ADAM32: variants seen among roughly 807,000 people sequenced by gnomAD.
ADAM32 encodes the protein ADAM metallopeptidase domain 32.
In ADAM32, 89 loss-of-function variants were observed where a neutral mutation model predicts 114.9. The ratio of observed to expected loss-of-function variants is 0.77; its 90% CI spans 0.65 to 0.92. The LOEUF is 0.92. ADAM32 is among the 40% of genes least tolerant of loss of function. ADAM32 has a pLI of 0.00. For synonymous variants in ADAM32, 285 were observed against 307.5 expected (o/e 0.93, Z 0.77); for missense variants, 870 against 932.8 (o/e 0.93, Z 0.88).
chr8:39,153,334 A>G (rs2129445653), intron 6 of ADAM32, among the ~76,000 whole-genome samples: 1 of 152,308 alleles, frequency 6.6e-6, no homozygotes, highest in Non-Finnish European at 1.5e-5. Flanking sequence ...GTAGCGAACA[A>G]TGTCAGTGCC....
Position 39,201,150 on chromosome 8 carries a change from T to A in ADAM32, c.1053-9994T>A, listed in dbSNP as rs560084219. On this transcript the variant is annotated intron_variant, in intron 11 of 24. Transcript: ENST00000379907. ...ATGAACTTTAAAGTAGTTTTTTCCATTTCTGTGAAGAAAGTCATTGGTAGC... is the reference window on the plus strand; with the variant it reads ...ATGAACTTTAAAGTAGTTTTTTCCAATTCTGTGAAGAAAGTCATTGGTAGC... 1.8e-4 allele frequency among the ~76,000 whole-genome samples: 28 copies of A among 152,254 alleles called. No homozygotes were observed. The South Asian group carries it at 3.5e-3, about 19-fold the overall frequency.
intron 23 of ADAM32, among the ~76,000 whole-genome samples, 161 bp from the exon 24 acceptor site, chr8:39,283,425 A>AG (rs1453862141): frequency 6.6e-6 from 1 of 151,638 alleles, no homozygotes; most frequent in East Asian, 1.9e-4. Flanking sequence ...AAAAAAAAAA[A>AG]AAAAAAAAAA....
At chr8:39,187,311 G>A (rs979593440) in intron 11 of ADAM32, among the ~76,000 whole-genome samples, 17 of 152,070 alleles carry the variant, frequency 1.1e-4, no homozygotes, top group African/African-American at 3.6e-4. Flanking sequence ...TCGCTCTTTC[G>A]CCCAGGCCAG....
rs1461199506 is a variant in ADAM32 at position 39,254,522 on chromosome 8, T to C, written c.2005+6T>C. 1 of 1,547,812 alleles carries C rather than the reference T, an allele frequency of 6.5e-7. No homozygotes were observed. The highest frequency in any genetic ancestry group is 1.9e-5 in the Admixed American group (1 of 51,860). On this transcript the variant is annotated splice_donor_region_variant and intron_variant, in intron 18 of 24. Coordinates refer to ENST00000379907, the MANE Select transcript of ADAM32 (RefSeq NM_145004.7). ...ATTTCCTGAGGAAGATATGGGCAAG[T>C]ATTTGTCTCTTTAAATACCCATTTA...
intron 3 of ADAM32, among the ~76,000 whole-genome samples, chr8:39,146,366 G>T (rs1803503849): frequency 6.6e-6 from 1 of 151,368 alleles, no homozygotes. Context: ...AAGAATGTAA[G>T]AACAGAAAAC....
intron 11 of ADAM32, among the ~76,000 whole-genome samples, chr8:39,196,973 G>A (rs1585513847): frequency 6.6e-6 from 1 of 152,012 alleles, no homozygotes; most frequent in Admixed American, 6.6e-5. Flanking sequence ...TGTGGTTATG[G>A]GCTTTCTTTG....
intron 6 of ADAM32, among the ~76,000 whole-genome samples, chr8:39,158,999 G>T (rs1804329796): frequency 6.6e-6 from 1 of 151,872 alleles, no homozygotes; most frequent in African/African-American, 2.4e-5. Flanking sequence ...TACATTATTT[G>T]TCTAGTAAGT....
chr8:39,219,020 G>A (rs1808770970), intron 12 of ADAM32, among the ~76,000 whole-genome samples: 2 of 152,050 alleles, frequency 1.3e-5, no homozygotes, highest in Admixed American at 1.3e-4. Context: ...CAAGGCAGCA[G>A]GTTCCCTTCT....
intron 17 of ADAM32, among the ~76,000 whole-genome samples, chr8:39,252,245 CA>C (rs763821592): frequency 4.0e-5 from 6 of 151,310 alleles, no homozygotes; most frequent in Non-Finnish European, 8.9e-5. Flanking sequence ...GACATCACTC[CA>C]AGTGTATTTT....
chr8:39,154,986 T>A (rs1804058155), intron 6 of ADAM32, among the ~76,000 whole-genome samples: 1 of 152,168 alleles, frequency 6.6e-6, no homozygotes, highest in South Asian at 2.1e-4. Context: ...ATTCTGATTA[T>A]CTCAATAGAT....
intron 10 of ADAM32, among the ~76,000 whole-genome samples, chr8:39,177,635 T>C (rs1405078237): frequency 3.3e-5 from 5 of 152,190 alleles, no homozygotes; most frequent in Non-Finnish European, 7.3e-5. Context: ...TGTGTTTTGG[T>C]AGTGGCTGAT....
At chr8:39,133,133 T>C (rs1440670553) in intron 2 of ADAM32, among the ~76,000 whole-genome samples, 2 of 152,174 alleles carry the variant, frequency 1.3e-5, no homozygotes, top group Non-Finnish European at 2.9e-5. Context: ...AAGTGGGGCC[T>C]CATGGGAGGT....
chr8:39,225,849 G>A (rs773781036), intron 14 of ADAM32, among the ~76,000 whole-genome samples: 2 of 151,730 alleles, frequency 1.3e-5, no homozygotes, highest in Non-Finnish European at 2.9e-5. Flanking sequence ...CTGCTCCATC[G>A]AATTTGAAGG....
At chr8:39,278,899 C>G (rs1223892046) in intron 22 of ADAM32, among the ~76,000 whole-genome samples, 1 of 152,146 alleles carries the variant, frequency 6.6e-6, no homozygotes, top group Non-Finnish European at 1.5e-5. Context: ...ATGGTTACTC[C>G]TAGCTGAGAA....
chr8:39,255,044 A>G (rs1252835818), intron 18 of ADAM32, among the ~76,000 whole-genome samples: 1 of 151,832 alleles, frequency 6.6e-6, no homozygotes, highest in African/African-American at 2.4e-5. Flanking sequence ...TGCGAATGCT[A>G]TTATTTTGTT....
At chr8:39,153,410 A>G (rs1287041671) in intron 6 of ADAM32, among the ~76,000 whole-genome samples, 1 of 152,316 alleles carries the variant, frequency 6.6e-6, no homozygotes, top group African/African-American at 2.4e-5. Flanking sequence ...AGGGTGGGAC[A>G]CCATGTCTTT....
chr8:39,146,793 A>G (rs1248368255), intron 3 of ADAM32, among the ~76,000 whole-genome samples: 1 of 152,212 alleles, frequency 6.6e-6, no homozygotes, highest in Non-Finnish European at 1.5e-5. Flanking sequence ...AACTATTTTG[A>G]GTAAACGTAT....
intron 22 of ADAM32, among the ~76,000 whole-genome samples, chr8:39,279,651 C>T (rs916861707): frequency 6.6e-6 from 1 of 152,164 alleles, no homozygotes; most frequent in East Asian, 1.9e-4. Flanking sequence ...GACATTGTTT[C>T]ACTTCCTTAT....
chr8:39,266,504 C>T (rs907152829), intron 19 of ADAM32, among the ~76,000 whole-genome samples: 2 of 152,020 alleles, frequency 1.3e-5, no homozygotes, highest in Non-Finnish European at 2.9e-5. Context: ...TTTCTCATTC[C>T]CAGAAGTTCA....
Sources: gnomAD v4.1 joint callset for allele counts (sites outside exome capture counted in the v4.1 genomes callset) on GRCh38, gnomAD v4.1.1 for gene constraint, MANE v1.5 for transcripts, NCBI Gene and HGNC (gene_info 2026-07-23, HGNC 2026-07-21) for gene names.